The following ANKS6 variants were observed in gnomAD, a reference collection of about 807,000 sequenced individuals.
The protein encoded by ANKS6 is ankyrin repeat and sterile alpha motif domain containing 6, also known as ankyrin repeat and SAM domain-containing protein 6.
Under a neutral mutation model 77.9 loss-of-function variants are expected in ANKS6, and 47 were observed. That is an observed-to-expected ratio of 0.60 (90% confidence interval 0.48 to 0.77). The LOEUF is 0.77. Ranked by LOEUF, ANKS6 falls within the 30% of genes least tolerant of loss-of-function variation. The pLI is 0.00. For synonymous variants in ANKS6, 488 were observed against 501.7 expected (o/e 0.97, Z 0.37); for missense variants, 1,150 against 1,159.1 (o/e 0.99, Z 0.11).
At chr9:98,750,986 T>C in intron 13 of ANKS6, 43 bp downstream of exon 13, 2 of 1,537,854 alleles carry the variant, frequency 1.3e-6, no homozygotes, top group African/African-American at 1.4e-5. Flanking sequence ...AATTTTTCTT[T>C]CATAGTAAGA....
Position 98,796,322 on chromosome 9 carries a change from G to A in ANKS6, c.170C>T (p.Pro57Leu), listed in dbSNP as rs1174938261. The change falls in exon 1 of 15, where the codon CCC (proline) becomes CTC (leucine). Residue 57 changes from proline (P) to leucine (L), a missense_variant. Transcript: ENST00000353234. Reference sequence around the variant, plus strand: ...GACTGCCCCCGCCGCTGCGGCCCCGGGCCCGGCCACCTCGGCCCCCGCCGG... The same window carrying A: ...GACTGCCCCCGCCGCTGCGGCCCCGAGCCCGGCCACCTCGGCCCCCGCCGG... ...AEPAGAEVAG[P>L]GAAAAGAVGA... is the part of the protein sequence containing the mutation. 1 of 1,221,920 alleles carries A rather than the reference G, an allele frequency of 8.2e-7. No homozygotes were observed. Among genetic ancestry groups the A allele is most frequent in the African/African-American group, 1.6e-5 (1 of 63,286 alleles). 75.7% of individuals were successfully genotyped at this position (1,221,920 alleles called of 1,614,324 possible). A position where few individuals can be genotyped will look rare whatever the true frequency, so the allele number is the denominator to read the frequency against.
chr9:98,790,181 A>C lies in ANKS6; in HGVS notation c.785T>G (p.Phe262Cys), dbSNP rs1374803001. The change falls in exon 2 of 15, where the codon TTC becomes TGC. Residue 262 changes from phenylalanine to cysteine, a missense_variant. Coordinates refer to ENST00000353234, the MANE Select transcript of ANKS6 (RefSeq NM_173551.5). ...GTGCTTGCAGTCCAGTGCAACCTCG[A>C]AGGCGGTCTTCTCCAGCACGCTGAG... ...DHLSVLEKTA[F>C]EVALDCKHRD... 1 of 1,602,152 alleles carries C rather than the reference A, an allele frequency of 6.2e-7. No homozygotes were observed. Among genetic ancestry groups the C allele is most frequent in the Admixed American group, 1.7e-5 (1 of 59,752 alleles).
intron 11 of ANKS6, among the ~76,000 whole-genome samples, chr9:98,759,283 ATT>A (rs1183325632): frequency 6.6e-6 from 1 of 152,100 alleles, no homozygotes; most frequent in East Asian, 1.9e-4. Flanking sequence ...AAAATAAACT[ATT>A]TTTCCTCTAT....
chr9:98,789,241 T>C (rs996552472), intron 2 of ANKS6, among the ~76,000 whole-genome samples: 1 of 152,116 alleles, frequency 6.6e-6, no homozygotes, highest in African/African-American at 2.4e-5. Flanking sequence ...CCACCTACTG[T>C]TACTCCCTGG....
Position 98,782,564 on chromosome 9 carries a change from T to C in ANKS6, c.1122A>G (p.Glu374=). Residue 374 remains glutamate, a synonymous_variant, in exon 5 of 15, where the codon GAA becomes GAG. Coordinates refer to ENST00000353234, the MANE Select transcript of ANKS6 (RefSeq NM_173551.5). ...CTTGGTTTAGCAGATATTTCACAAT[T>C]TCCTTATTCCTGGGAAAAAATGCTA... The part of the protein sequence containing the change: ...LMQATYHGNK[E]IVKYLLNQGA... 1 of 1,613,924 alleles carries C rather than the reference T, an allele frequency of 6.2e-7. No homozygotes were observed. The highest frequency in any genetic ancestry group is 1.3e-5 in the African/African-American group (1 of 75,034).
chr9:98,739,335 T>C lies in ANKS6; in HGVS notation c.2512-2712A>G, dbSNP rs552542895. On this transcript the variant is annotated intron_variant, in intron 14 of 14. Transcript: ENST00000353234. ...CAACGAATAGAAACTGGGCTGGGCATGTGGCATGCACCTGTAGTCCCAGCT... is the reference window on the plus strand; with the variant it reads ...CAACGAATAGAAACTGGGCTGGGCACGTGGCATGCACCTGTAGTCCCAGCT... 8.0e-4 allele frequency among the ~76,000 whole-genome samples: 122 copies of C among 152,288 alleles called. 1 individual carries two copies. The highest frequency in any genetic ancestry group is 2.8e-3 in the African/African-American group (118 of 41,568).
chr9:98,773,592 AAAGG>A (rs1337572610), intron 9 of ANKS6, among the ~76,000 whole-genome samples: 2 of 152,110 alleles, frequency 1.3e-5, no homozygotes, highest in African/African-American at 4.8e-5. Context: ...TCATCTACTA[AAAGG>A]AAGGTTGGAT....
At chr9:98,776,292 G>A (rs1231367715) in intron 8 of ANKS6, among the ~76,000 whole-genome samples, 1 of 151,944 alleles carries the variant, frequency 6.6e-6, no homozygotes, top group Non-Finnish European at 1.5e-5. Context: ...TCACATCTTA[G>A]AAATGACACC....
At chr9:98,781,610 A>T (rs1291759044) in intron 5 of ANKS6, among the ~76,000 whole-genome samples, 4 of 152,260 alleles carry the variant, frequency 2.6e-5, no homozygotes, top group African/African-American at 7.2e-5. Flanking sequence ...TTGAGGGTCA[A>T]ACAGAACCAA....
At chr9:98,778,659 G>A (rs533732195) in intron 6 of ANKS6, among the ~76,000 whole-genome samples, 2 of 152,302 alleles carry the variant, frequency 1.3e-5, no homozygotes, top group South Asian at 4.1e-4. Context: ...CCTGGAGGTG[G>A]CAGTGAACCC....
rs1307085215 is a variant in ANKS6 at position 98,780,264 on chromosome 9, C to T, written c.1293G>A (p.Gln431=). ...VNKDKGRPSH[Q]PPLPHSKVRQ... ...GGACCTTCGAGTGGGGCAGGGGAGG[C>T]TGGTGGCTCGGCCGGCCTTTGTCTT... Residue 431 remains glutamine, a synonymous_variant, in exon 6 of 15, where the codon CAG becomes CAA. Coordinates refer to ENST00000353234, the MANE Select transcript of ANKS6 (RefSeq NM_173551.5). 1.2e-6 allele frequency: 2 copies of T among 1,613,494 alleles called. No homozygotes were observed. The highest frequency in any genetic ancestry group is 1.7e-6 in the Non-Finnish European group (2 of 1,179,828).
chr9:98,768,175 G>A lies in ANKS6; in HGVS notation c.2048C>T (p.Pro683Leu). 1.2e-6 allele frequency: 2 copies of A among 1,614,100 alleles called. No homozygotes were observed. Among genetic ancestry groups the A allele is most frequent in the Non-Finnish European group, 1.7e-6 (2 of 1,180,020 alleles). ...CCCCACAGGGCTTGACCGATGGCTG[G>A]GTTTCTGCTCCAATAATCCGGCTGC... ...KKAAGLLEQK[P>L]SHRSSPVGPA... The change falls in exon 11 of 15, where the codon CCC becomes CTC. Residue 683 changes from proline (P) to leucine (L), a missense_variant. Physicochemically the swap from Pro to Leu is moderately conservative, Grantham distance 98. Transcript: ENST00000353234.
At chr9:98,747,842 G>A (rs1173276232) in intron 13 of ANKS6, among the ~76,000 whole-genome samples, 3 of 152,172 alleles carry the variant, frequency 2.0e-5, no homozygotes, top group Non-Finnish European at 2.9e-5. Context: ...TCAAGCCCAT[G>A]GTGTACAGAA....
At chr9:98,776,049 G>A (rs929255902) in intron 8 of ANKS6, among the ~76,000 whole-genome samples, 1 of 152,144 alleles carries the variant, frequency 6.6e-6, no homozygotes, top group Admixed American at 6.5e-5. Context: ...GCTAGTATTA[G>A]GGTCTTAGCG....
chr9:98,778,460 G>A, intron 6 of ANKS6, 36 bp from the exon 7 acceptor site: 3 of 1,601,988 alleles, frequency 1.9e-6, no homozygotes, highest in Admixed American at 3.4e-5. Context: ...TCATGCTCCA[G>A]GAAGGGCAAG....
chr9:98,778,163 A>G, intron 7 of ANKS6, 63 bp downstream of exon 7: 3 of 1,557,350 alleles, frequency 1.9e-6, no homozygotes, highest in Non-Finnish European at 2.6e-6. Flanking sequence ...GGTAGGATGA[A>G]GGGCAGAGGG....
intron 12 of ANKS6, among the ~76,000 whole-genome samples, chr9:98,755,862 C>T (rs1427695120): frequency 6.6e-6 from 1 of 152,112 alleles, no homozygotes; most frequent in East Asian, 1.9e-4. Context: ...GCTGGACCTA[C>T]TGAGAAAGTA....
intron 12 of ANKS6, 59 bp from the exon 13 acceptor site, chr9:98,751,155 T>C (rs1832411773): frequency 2.2e-5 from 29 of 1,338,904 alleles, no homozygotes; most frequent in Non-Finnish European, 2.9e-5. Flanking sequence ...AAAGTGGTCT[T>C]CAAACCTTTA....
intron 13 of ANKS6, among the ~76,000 whole-genome samples, chr9:98,746,393 C>A (rs1832133970): frequency 2.0e-5 from 3 of 152,180 alleles, no homozygotes; most frequent in Admixed American, 2.0e-4. Flanking sequence ...GGGGTCCACA[C>A]CTGGCAGGAT....
Sources: gnomAD v4.1 joint callset for allele counts (sites outside exome capture counted in the v4.1 genomes callset) on GRCh38, gnomAD v4.1.1 for gene constraint, MANE v1.5 for transcripts, NCBI Gene and HGNC (gene_info 2026-07-23, HGNC 2026-07-21) for gene names.